Variants in FTO observed in about 807,000 individuals in gnomAD.
The protein encoded by FTO is FTO alpha-ketoglutarate dependent dioxygenase.
Under a neutral mutation model 63.9 loss-of-function variants are expected in FTO, and 47 were observed. The observed-to-expected ratio is 0.74, with a 90% CI of 0.58 to 0.94. The LOEUF is 0.94. Ranked by LOEUF, FTO falls within the 40% of genes least tolerant of loss-of-function variation. The pLI is 0.00. For missense variants in FTO, 562 were observed against 618.1 expected (o/e 0.91, Z 0.96); for synonymous variants, 207 against 224.4 (o/e 0.92, Z 0.69).
At chr16:53,851,475 A>G (rs1387278452) in intron 4 of FTO, among the ~76,000 whole-genome samples, 1 of 151,750 alleles carries the variant, frequency 6.6e-6, no homozygotes, top group African/African-American at 2.4e-5. Context: ...AAAAAAAGGA[A>G]AAAAAATAAT....
chr16:53,784,915 GA>G (rs2077694695), intron 1 of FTO, among the ~76,000 whole-genome samples: 1 of 152,078 alleles, frequency 6.6e-6, no homozygotes, highest in Non-Finnish European at 1.5e-5. Context: ...CAGAGTGGGG[GA>G]AAGTGAGGAG....
intron 8 of FTO, among the ~76,000 whole-genome samples, chr16:54,015,163 T>C (rs2144103849): frequency 6.6e-6 from 1 of 152,250 alleles, no homozygotes; most frequent in South Asian, 2.1e-4. Flanking sequence ...CCATGCCCAG[T>C]TGCATGTTTT....
At chr16:53,955,786 A>G (rs2082914918) in intron 8 of FTO, among the ~76,000 whole-genome samples, 1 of 152,182 alleles carries the variant, frequency 6.6e-6, no homozygotes, top group African/African-American at 2.4e-5. Flanking sequence ...GCTCTTTGAA[A>G]TAAGTAGTCA....
intron 2 of FTO, among the ~76,000 whole-genome samples, chr16:53,817,369 A>T (rs952776476): frequency 6.6e-6 from 1 of 152,178 alleles, no homozygotes; most frequent in Non-Finnish European, 1.5e-5. Context: ...TTAGCCCGTT[A>T]GTCATCGGAT....
chr16:53,826,037 T>G lies in FTO; in HGVS notation c.297T>G (p.Ile99Met). Residue 99 changes from isoleucine to methionine, a missense_variant, in exon 3 of 9, where the codon ATT (isoleucine) becomes ATG (methionine). Ile to Met is a conservative substitution (Grantham distance 10, BLOSUM62 1). Transcript: ENST00000471389. The part of the protein sequence containing the change: ...DLLTPVSRIL[I>M]GNPGCTYKYL... ...TCACTCCGGTATCTCGCATCCTCAT[T>G]GGTAATCCAGGCTGCACCTACAAGT... 6.2e-7 allele frequency: 1 copy of G among 1,614,190 alleles called. No homozygotes were observed. The highest frequency in any genetic ancestry group is 8.5e-7 in the Non-Finnish European group (1 of 1,180,034).
intron 1 of FTO, among the ~76,000 whole-genome samples, chr16:53,765,207 G>A (rs61679206): frequency 6.6e-6 from 1 of 152,220 alleles, no homozygotes; most frequent in South Asian, 2.1e-4. Context: ...AGTAACAGAC[G>A]AGAGTCCCTC....
chr16:53,806,432 T>G (rs1189179272), intron 1 of FTO, among the ~76,000 whole-genome samples: 1 of 152,230 alleles, frequency 6.6e-6, no homozygotes, highest in African/African-American at 2.4e-5. Flanking sequence ...ATCACTTTAA[T>G]AGTCTGTCAT....
intron 2 of FTO, among the ~76,000 whole-genome samples, chr16:53,811,278 A>G (rs916945174): frequency 2.6e-4 from 40 of 152,184 alleles, no homozygotes; most frequent in African/African-American, 9.2e-4. Flanking sequence ...TTTTCCTACT[A>G]CAATGTGAAG....
chr16:53,873,897 A>T (rs1189847996), intron 5 of FTO, 32 bp downstream of exon 5: 1 of 1,507,732 alleles, frequency 6.6e-7, no homozygotes, highest in Non-Finnish European at 9.2e-7. Flanking sequence ...ATTCACACCT[A>T]ATTGGATGTG....
chr16:54,098,789 T>C (rs1196027374), intron 8 of FTO, among the ~76,000 whole-genome samples: 1 of 152,246 alleles, frequency 6.6e-6, no homozygotes, highest in Non-Finnish European at 1.5e-5. Context: ...CTGTATTCGT[T>C]ACTTACATGA....
intron 8 of FTO, among the ~76,000 whole-genome samples, chr16:54,009,721 T>G (rs1056057843): frequency 1.3e-5 from 2 of 152,122 alleles, no homozygotes; most frequent in Admixed American, 1.3e-4. Flanking sequence ...AGTTGCTGGC[T>G]CCACCACTAC....
At chr16:53,947,217 G>A (rs1347895519) in intron 8 of FTO, among the ~76,000 whole-genome samples, 1 of 152,122 alleles carries the variant, frequency 6.6e-6, no homozygotes, top group Admixed American at 6.5e-5. Context: ...GGCTGTCCTG[G>A]CCCTGTCAGA....
intron 8 of FTO, among the ~76,000 whole-genome samples, chr16:54,054,839 A>G (rs1469666510): frequency 1.3e-5 from 2 of 152,204 alleles, no homozygotes; most frequent in African/African-American, 4.8e-5. Context: ...CTGAGTGGAA[A>G]ATTGGGGCTA....
At chr16:53,796,087 T>C (rs1489083672) in intron 1 of FTO, among the ~76,000 whole-genome samples, 1 of 150,842 alleles carries the variant, frequency 6.6e-6, no homozygotes, top group African/African-American at 2.4e-5. Flanking sequence ...CTCACTCTGT[T>C]GTGTAGGCTG....
chr16:53,783,287 C>T (rs2077634328), intron 1 of FTO, among the ~76,000 whole-genome samples: 1 of 151,962 alleles, frequency 6.6e-6, no homozygotes, highest in African/African-American at 2.4e-5. Flanking sequence ...CGAGACCAAC[C>T]CGGCCAAGTT....
At chr16:54,095,654 T>C (rs987430273) in intron 8 of FTO, among the ~76,000 whole-genome samples, 4 of 152,204 alleles carry the variant, frequency 2.6e-5, no homozygotes, top group Non-Finnish European at 5.9e-5. Flanking sequence ...GACTAAGTTC[T>C]AATCAGTGAG....
At chr16:54,002,012 C>T (rs2084080054) in intron 8 of FTO, among the ~76,000 whole-genome samples, 1 of 152,202 alleles carries the variant, frequency 6.6e-6, no homozygotes, top group African/African-American at 2.4e-5. Flanking sequence ...GGTACAGCAG[C>T]TTTCTACTTG....
chr16:54,031,384 C>T (rs2084828831), intron 8 of FTO, among the ~76,000 whole-genome samples: 1 of 152,146 alleles, frequency 6.6e-6, no homozygotes, highest in Non-Finnish European at 1.5e-5. Context: ...AGATATTTCT[C>T]ATATTTGCCT....
At chr16:53,771,274 G>A (rs1389304915) in intron 1 of FTO, among the ~76,000 whole-genome samples, 1 of 152,116 alleles carries the variant, frequency 6.6e-6, no homozygotes, top group Admixed American at 6.6e-5. Flanking sequence ...CAGTTGTTCA[G>A]ACCAAAAACC....
Sources: gnomAD v4.1 joint callset for allele counts (sites outside exome capture counted in the v4.1 genomes callset) on GRCh38, gnomAD v4.1.1 for gene constraint, MANE v1.5 for transcripts, NCBI Gene and HGNC (gene_info 2026-07-23, HGNC 2026-07-21) for gene names.